The following TIAM2 variants were observed in gnomAD, a reference collection of about 807,000 sequenced individuals.
TIAM2 encodes TIAM Rac1 associated GEF 2.
In TIAM2, 80 loss-of-function variants were observed where a neutral mutation model predicts 152.9. The ratio of observed to expected loss-of-function variants is 0.52; its 90% confidence interval spans 0.44 to 0.63. TIAM2 has a LOEUF of 0.63. Among genes scored for constraint, TIAM2 ranks in the 30% least tolerant of loss-of-function variants. The pLI, the probability that TIAM2 is intolerant of heterozygous loss-of-function variation, is 0.00. For missense variants in TIAM2, 1,965 were observed against 2,120.1 expected (o/e 0.93, Z 1.44); for synonymous variants, 804 against 838.0 (o/e 0.96, Z 0.70).
At chr6:155,230,283 C>T (rs1782413251) in intron 15 of TIAM2, among the ~76,000 whole-genome samples, 1 of 152,222 alleles carries the variant, frequency 6.6e-6, no homozygotes, top group Non-Finnish European at 1.5e-5. Flanking sequence ...CTCGCACCTG[C>T]CAGACCCTGC....
chr6:155,027,577 T>C (rs1449676718), intron 1 of TIAM2, among the ~76,000 whole-genome samples: 1 of 101,628 alleles, frequency 9.8e-6, no homozygotes, highest in Non-Finnish European at 1.9e-5. Flanking sequence ...ATATATAATA[T>C]ATGTACTGTG....
intron 15 of TIAM2, among the ~76,000 whole-genome samples, chr6:155,234,149 A>G (rs1021514157): frequency 6.6e-6 from 1 of 152,256 alleles, no homozygotes. Flanking sequence ...GATGGACCCA[A>G]GTTTGTAGCA....
intron 1 of TIAM2, among the ~76,000 whole-genome samples, chr6:155,028,703 TGTTATA>T (rs1466061446): frequency 2.4e-5 from 3 of 123,740 alleles, no homozygotes; most frequent in Non-Finnish European, 4.8e-5. Context: ...ATATATACTG[TGTTATA>T]TATATACTAC....
At chr6:155,254,305 C>T in intron 25 of TIAM2, 114 bp from the exon 26 acceptor site, 1 of 1,410,732 alleles carries the variant, frequency 7.1e-7, no homozygotes, top group Non-Finnish European at 9.7e-7. Context: ...TGCTGGGTGG[C>T]TGGCTGGCAG....
At position 155,104,044 on chromosome 6, in the gene TIAM2, C is replaced by T. The variant is rs1415267630; in HGVS notation, c.-118+13665C>T. Among the ~76,000 whole-genome samples, 208 of 96,934 alleles carry T rather than the reference C, an allele frequency of 2.1e-3. 7 individuals carry two copies. The highest frequency in any genetic ancestry group is 4.7e-3 in the Admixed American group (40 of 8,576). The allele number at this position is 96,934 out of a possible 152,430, so 63.6% of individuals were successfully genotyped here. A position where few individuals can be genotyped will look rare whatever the true frequency, so the allele number is the denominator to read the frequency against. On this transcript the variant is annotated intron_variant, in intron 2 of 26. Transcript: ENST00000682666. ...GTATTTACCTCACACACACACACCCCCCCCCCCACACCCCCACACACCCCC... is the reference window on the plus strand; with the variant it reads ...GTATTTACCTCACACACACACACCCTCCCCCCCACACCCCCACACACCCCC...
At chr6:155,182,754 A>G (rs1371784762) in intron 13 of TIAM2, among the ~76,000 whole-genome samples, 1 of 152,206 alleles carries the variant, frequency 6.6e-6, no homozygotes, top group Non-Finnish European at 1.5e-5. Flanking sequence ...CACGGATGGA[A>G]CAAAGTTAAC....
intron 2 of TIAM2, among the ~76,000 whole-genome samples, chr6:155,091,358 C>G (rs890896540): frequency 6.6e-6 from 1 of 152,178 alleles, no homozygotes; most frequent in East Asian, 1.9e-4. Flanking sequence ...TGCCTGGTTC[C>G]TCACCTGTCT....
rs1487367508 is a variant in TIAM2, at chr6:155,256,538, G to A, written c.4523G>A (p.Gly1508Asp). 4 of 1,614,094 alleles carry A rather than the reference G, an allele frequency of 2.5e-6. No homozygotes were observed. Among genetic ancestry groups the A allele is most frequent in the Non-Finnish European group, 3.4e-6 (4 of 1,180,060 alleles). The change falls in exon 27 of 27, where the codon GGT becomes GAT. Residue 1508 changes from glycine (G) to aspartate (D), a missense_variant. By Grantham distance (94) the Gly-to-Asp change is moderately conservative (BLOSUM62 -1). Around this residue, in one of 3 missense-constraint regions of TIAM2, gnomAD observed 935 missense variants for 980.0 expected, o/e 0.95. Transcript: ENST00000682666. ...LKNSSSNEWTGETGKGTLLDS... is the reference protein window; with the variant it reads ...LKNSSSNEWTDETGKGTLLDS... Reference sequence around the variant, plus strand: ...AATTCCTCCAGCAACGAGTGGACCGGTGAGACTGGCAAGGGAACCTTGCTG... The same window carrying A: ...AATTCCTCCAGCAACGAGTGGACCGATGAGACTGGCAAGGGAACCTTGCTG...
chr6:155,157,622 C>T (rs1484305996), intron 7 of TIAM2, among the ~76,000 whole-genome samples: 2 of 152,002 alleles, frequency 1.3e-5, no homozygotes, highest in Non-Finnish European at 2.9e-5. Flanking sequence ...GTACATTTTC[C>T]GTATAAGTAC....
chr6:155,093,153 T>C (rs1231818058), intron 2 of TIAM2, among the ~76,000 whole-genome samples: 7 of 152,212 alleles, frequency 4.6e-5, no homozygotes, highest in African/African-American at 1.7e-4. Context: ...TGGCCTTCAG[T>C]AAATTGCTAA....
At chr6:155,031,523 G>C (rs1454351745) in intron 1 of TIAM2, among the ~76,000 whole-genome samples, 3 of 152,120 alleles carry the variant, frequency 2.0e-5, no homozygotes, top group Non-Finnish European at 4.4e-5. Flanking sequence ...AGGAGTTTGA[G>C]AGCAGCCTGG....
At chr6:155,052,560 T>G (rs7763326) in intron 1 of TIAM2, among the ~76,000 whole-genome samples, 65,355 of 151,656 alleles carry the variant, frequency 0.43, 14,228 homozygotes, top group Middle Eastern at 0.49. Context: ...GCGGTCAGGA[T>G]CTCAAGACCA....
At chr6:155,046,929 G>T (rs7744915) in intron 1 of TIAM2, among the ~76,000 whole-genome samples, 19,666 of 152,164 alleles carry the variant, frequency 0.13, 1,656 homozygotes, top group East Asian at 0.34. Flanking sequence ...AATTGGAGAA[G>T]TTTGCAGATA....
chr6:155,059,629 G>C (rs926598112), intron 1 of TIAM2, among the ~76,000 whole-genome samples: 1 of 151,992 alleles, frequency 6.6e-6, no homozygotes, highest in Admixed American at 6.6e-5. Flanking sequence ...ATTTGTGTTT[G>C]ATGTTTTATC....
chr6:155,047,578 G>A (rs950075946), intron 1 of TIAM2, among the ~76,000 whole-genome samples: 1 of 151,316 alleles, frequency 6.6e-6, no homozygotes, highest in African/African-American at 2.4e-5. Context: ...CTTTGGAAAA[G>A]CCCATTGATG....
intron 2 of TIAM2, among the ~76,000 whole-genome samples, chr6:155,116,370 G>A (rs1332537347): frequency 6.6e-6 from 1 of 152,040 alleles, no homozygotes; most frequent in Non-Finnish European, 1.5e-5. Context: ...ATTGTAGCCT[G>A]AAGACATACA....
intron 1 of TIAM2, among the ~76,000 whole-genome samples, chr6:155,038,609 G>A (rs570709115): frequency 1.1e-3 from 165 of 152,160 alleles, no homozygotes; most frequent in Non-Finnish European, 2.0e-3. Context: ...TGATTAAGAT[G>A]AAAATACTAG....
intron 15 of TIAM2, among the ~76,000 whole-genome samples, chr6:155,217,856 C>T (rs1781902642): frequency 6.6e-6 from 1 of 152,180 alleles, no homozygotes; most frequent in South Asian, 2.1e-4. Context: ...AGAACGTGCA[C>T]TAGTGGCTAT....
In TIAM2 at chr6:155,252,970, A is replaced by T. The variant is rs1562375804; in HGVS notation, c.4142A>T (p.His1381Leu). ...KKLPSNSRPA[H>L]NSTDLDPFKF... ...CAGCCCTCGAATTCCCGGCCTGCAC[A>T]CAACTCTACTGACTTGGACCCATTT... Residue 1381 changes from histidine (H) to leucine (L), a missense_variant, in exon 24 of 27, where the codon CAC becomes CTC. Physicochemically the swap from His to Leu is moderately conservative, Grantham distance 99. Coordinates refer to ENST00000682666, the MANE Select transcript of TIAM2 (RefSeq NM_012454.4). 6.2e-7 allele frequency: 1 copy of T among 1,614,164 alleles called. No homozygotes were observed. Among genetic ancestry groups the T allele is most frequent in the South Asian group, 1.1e-5 (1 of 91,074 alleles).
Sources: allele counts gnomAD v4.1 joint callset (sites outside exome capture counted in the v4.1 genomes callset), GRCh38; gene constraint gnomAD v4.1.1; regional missense constraint gnomAD v4.1.1; transcripts MANE v1.5; gene names NCBI Gene and HGNC (gene_info 2026-07-23, HGNC 2026-07-21).